Variants in COL23A1 observed in about 807,000 individuals in gnomAD.
COL23A1 encodes collagen alpha-1(XXIII) chain.
COL23A1 carries 97 observed loss-of-function variants against 99.3 expected under a neutral mutation model. The observed-to-expected ratio is 0.98, with a 90% confidence interval of 0.83 to 1.16. COL23A1 has a LOEUF of 1.16. Ranked by LOEUF, COL23A1 falls within the 50% of genes most tolerant of loss-of-function variation. COL23A1 has a pLI of 0.00. For missense variants in COL23A1, 762 were observed against 757.4 expected, an observed-to-expected ratio of 1.01 and a Z score of -0.07; for synonymous variants, 320 against 308.2, an observed-to-expected ratio of 1.04 and a Z score of -0.40.
intron 3 of COL23A1, among the ~76,000 whole-genome samples, chr5:178,303,839 A>G (rs553584109): frequency 6.6e-6 from 1 of 152,280 alleles, no homozygotes; most frequent in South Asian, 2.1e-4. Flanking sequence ...AACTCTGCAG[A>G]CCAGGCCAAC....
Position 178,436,474 on chromosome 5 carries a change from T to C in COL23A1, c.361+124208A>G, listed in dbSNP as rs573052741. On this transcript the variant is annotated intron_variant, in intron 2 of 28. Coordinates refer to ENST00000390654, the MANE Select transcript of COL23A1 (RefSeq NM_173465.4). Reference sequence around the variant, plus strand: ...GGAAGAGCAGGTGCAGAGGGTGGGGTACGTTTCAAAGGGAGAAGGCACAGA... The same window carrying C: ...GGAAGAGCAGGTGCAGAGGGTGGGGCACGTTTCAAAGGGAGAAGGCACAGA... Among the ~76,000 whole-genome samples, 4 of 151,820 alleles carry C rather than the reference T, an allele frequency of 2.6e-5. No individual in the cohort carries two copies. The South Asian group carries it at 8.3e-4, about 32-fold the overall frequency.
At chr5:178,548,668 A>G (rs1409813632) in intron 2 of COL23A1, among the ~76,000 whole-genome samples, 1 of 150,670 alleles carries the variant, frequency 6.6e-6, no homozygotes, top group Non-Finnish European at 1.5e-5. Context: ...TCTTTACTAG[A>G]GCCTCTGGCT....
chr5:178,429,188 G>A (rs1354220464), intron 2 of COL23A1, among the ~76,000 whole-genome samples: 1 of 152,134 alleles, frequency 6.6e-6, no homozygotes, highest in African/African-American at 2.4e-5. Flanking sequence ...TGCAGTGGAT[G>A]GGGCATGCGC....
chr5:178,510,973 G>C (rs78463172), intron 2 of COL23A1, among the ~76,000 whole-genome samples: 1 of 151,992 alleles, frequency 6.6e-6, no homozygotes, highest in East Asian at 1.9e-4. Context: ...TTTCACCCTA[G>C]GTAAGAAAAT....
intron 1 of COL23A1, among the ~76,000 whole-genome samples, chr5:178,566,765 A>G (rs1273959865): frequency 1.3e-5 from 2 of 152,014 alleles, no homozygotes; most frequent in African/African-American, 4.8e-5. Context: ...GCAGTGAGCC[A>G]AGATCGTGCC....
chr5:178,456,706 A>C (rs1361519055), intron 2 of COL23A1, among the ~76,000 whole-genome samples: 1 of 151,964 alleles, frequency 6.6e-6, no homozygotes, highest in African/African-American at 2.4e-5. Context: ...CTCAAAATAA[A>C]CAAACTCCAG....
intron 1 of COL23A1, among the ~76,000 whole-genome samples, chr5:178,583,829 G>T (rs149632992): frequency 6.6e-6 from 1 of 152,240 alleles, no homozygotes; most frequent in South Asian, 2.1e-4. Context: ...GGACTTCTCC[G>T]TTACTCAAGC....
chr5:178,414,325 T>C (rs1020363978), intron 2 of COL23A1, among the ~76,000 whole-genome samples: 1 of 152,074 alleles, frequency 6.6e-6, no homozygotes, highest in Non-Finnish European at 1.5e-5. Context: ...GCAGGAATTG[T>C]ATGTACCTTA....
At chr5:178,248,407 G>A (rs1764830582) in intron 19 of COL23A1, among the ~76,000 whole-genome samples, 153 bp from the exon 20 acceptor site, 1 of 149,114 alleles carries the variant, frequency 6.7e-6, no homozygotes, top group African/African-American at 2.4e-5. Context: ...ACATCCATGT[G>A]CCACGCCCCG....
At chr5:178,579,489 T>C (rs1763552039) in intron 1 of COL23A1, among the ~76,000 whole-genome samples, 2 of 152,194 alleles carry the variant, frequency 1.3e-5, no homozygotes, top group Admixed American at 1.3e-4. Context: ...AGTCTTGCTC[T>C]GTCGCCCAGG....
At chr5:178,577,129 C>G (rs1369854893) in intron 1 of COL23A1, among the ~76,000 whole-genome samples, 1 of 152,176 alleles carries the variant, frequency 6.6e-6, no homozygotes, top group African/African-American at 2.4e-5. Context: ...TCGCTCAGCC[C>G]AACTCCCAAG....
chr5:178,273,371 C>T (rs1756404071), intron 5 of COL23A1, among the ~76,000 whole-genome samples: 1 of 152,108 alleles, frequency 6.6e-6, no homozygotes, highest in African/African-American at 2.4e-5. Context: ...TCACTGATGG[C>T]GCAGCCTTTG....
rs1363309506 is a variant in COL23A1, at chr5:178,280,251, G to A, written c.441+8073C>T. Among the ~76,000 whole-genome samples, 1 of 152,272 alleles carries A rather than the reference G, an allele frequency of 6.6e-6. No homozygotes were observed. Among genetic ancestry groups the A allele is most frequent in the Non-Finnish European group, 1.5e-5 (1 of 68,046 alleles). On this transcript the variant is annotated intron_variant, in intron 5 of 28. Coordinates refer to ENST00000390654, the MANE Select transcript of COL23A1 (RefSeq NM_173465.4). The surrounding 1 kb of genome is among the most constrained non-coding windows in gnomAD (Gnocchi z 4.9). ...GATCAGCCAGGACGCTGGCCATTGAGGATGCAGGCCCAAAAGGGGCGCCTT... is the reference window on the plus strand; with the variant it reads ...GATCAGCCAGGACGCTGGCCATTGAAGATGCAGGCCCAAAAGGGGCGCCTT...
chr5:178,301,096 G>A (rs940434109), intron 3 of COL23A1, among the ~76,000 whole-genome samples: 1 of 151,960 alleles, frequency 6.6e-6, no homozygotes, highest in Non-Finnish European at 1.5e-5. Flanking sequence ...TGTCTTTGAG[G>A]CTCTGTTCAT....
intron 2 of COL23A1, among the ~76,000 whole-genome samples, chr5:178,418,799 T>A (rs1473244428): frequency 6.6e-6 from 1 of 152,188 alleles, no homozygotes; most frequent in East Asian, 1.9e-4. Flanking sequence ...CTGGCCTAAA[T>A]CCTTGGTTGT....
intron 2 of COL23A1, among the ~76,000 whole-genome samples, chr5:178,487,064 A>T (rs2173435): frequency 2.7e-3 from 379 of 139,656 alleles, no homozygotes; most frequent in African/African-American, 9.7e-3. Flanking sequence ...AGTGCCTGAG[A>T]GTTCTGCACA....
intron 2 of COL23A1, among the ~76,000 whole-genome samples, chr5:178,471,233 GTTTTA>G (rs961096747): frequency 1.8e-5 from 2 of 108,866 alleles, no homozygotes; most frequent in African/African-American, 6.1e-5. Context: ...GTAATCATGC[GTTTTA>G]TGTTTTCTTT....
At chr5:178,259,639 CCCCATT>C (rs367690176) in intron 12 of COL23A1, 76 bp downstream of exon 12, 1 of 656,176 alleles carries the variant, frequency 1.5e-6, no homozygotes, top group African/African-American at 1.9e-5. Flanking sequence ...CCATCCCCAT[CCCCATT>C]CCGTCCCAGC....
rs1041943579 is a variant in COL23A1 at position 178,485,601 on chromosome 5, T to A, written c.361+75081A>T. On this transcript the variant is annotated intron_variant, in intron 2 of 28. Coordinates refer to ENST00000390654, the MANE Select transcript of COL23A1 (RefSeq NM_173465.4). ...CAGCCTGGCCAACATGGTGAAACCC[T>A]GTCTCTACTAAAAATACAAAAAAAT... 2.0e-5 allele frequency among the ~76,000 whole-genome samples: 3 copies of A among 151,960 alleles called. No homozygotes were observed. In the East Asian group the frequency reaches 5.8e-4, roughly 29 times the overall value.
Sources: allele counts gnomAD v4.1 joint callset (sites outside exome capture counted in the v4.1 genomes callset), GRCh38; gene constraint gnomAD v4.1.1; non-coding constraint Gnocchi (gnomAD v3.1); transcripts MANE v1.5; gene names NCBI Gene and HGNC (gene_info 2026-07-23, HGNC 2026-07-21).